The following NAALADL2 variants were observed in gnomAD, a reference collection of about 807,000 sequenced individuals.
The protein encoded by NAALADL2 is N-acetylated alpha-linked acidic dipeptidase like 2.
A neutral mutation model predicts 87.2 loss-of-function variants in NAALADL2; 76 were observed. That is an observed-to-expected ratio of 0.87 (90% CI 0.72 to 1.05). The LOEUF is 1.05. Ranked by LOEUF, NAALADL2 falls within the 50% of genes least tolerant of loss-of-function variation. The pLI, the probability that NAALADL2 is intolerant of heterozygous loss-of-function variation, is 0.00. For synonymous variants in NAALADL2, 354 were observed against 331.0 expected (o/e 1.07, Z -0.75); for missense variants, 1,089 against 945.8 (o/e 1.15, Z -1.99).
In NAALADL2 at chr3:175,166,086, A is replaced by C. The variant is rs546715318; in HGVS notation, c.546-67845A>C. On this transcript the variant is annotated intron_variant, in intron 2 of 13. Transcript: ENST00000454872. ...CTAAAATTTAATTTTAAAAAATCTT[A>C]CAAAAAAAACTTACCTAGTATATAT... 1.3e-4 allele frequency among the ~76,000 whole-genome samples: 19 copies of C among 151,084 alleles called. No homozygotes were observed. The South Asian group carries it at 3.5e-3, about 28-fold the overall frequency.
chr3:175,652,633 C>T lies in NAALADL2; in HGVS notation c.1896+25247C>T, dbSNP rs564524320. On this transcript the variant is annotated intron_variant, in intron 11 of 13. Coordinates refer to ENST00000454872, the MANE Select transcript of NAALADL2 (RefSeq NM_207015.3). The stretch of plus-strand genomic sequence containing the variant: ...AGCTGGGACTACAGGCGCCCACCAC[C>T]GCGCCCGGCTAATTTTTTGTATTTT... 1.0e-3 allele frequency among the ~76,000 whole-genome samples: 157 copies of T among 151,890 alleles called. 1 individual carries two copies. The highest frequency in any genetic ancestry group is 3.5e-3 in the African/African-American group (146 of 41,400).
In NAALADL2 at chr3:174,841,109, ACAAAT is replaced by A. The variant is rs146944027; in HGVS notation, c.-9+103368_-9+103372del. On this transcript the variant is annotated intron_variant, in intron 3 of 3. Coordinates refer to the NAALADL2 transcript ENST00000434257. ...AAAGAAAGAAAAATAAAAAGTAATAACAAATCAAAGAAAACCTAATGAGACAAAAT... is the reference window on the plus strand; with the variant it reads ...AAAGAAAGAAAAATAAAAAGTAATAACAAAGAAAACCTAATGAGACAAAAT... 4.0e-3 allele frequency among the ~76,000 whole-genome samples: 614 copies of A among 152,266 alleles called. 6 individuals carry two copies. Among genetic ancestry groups the A allele is most frequent in the African/African-American group, 0.014 (580 of 41,578 alleles).
At chr3:174,822,366 AG>A (rs1378740295) in intron 3 of NAALADL2, among the ~76,000 whole-genome samples, 1 of 152,226 alleles carries the variant, frequency 6.6e-6, no homozygotes, top group African/African-American at 2.4e-5. Context: ...TAGAAAAGCT[AG>A]AAGTCTGGAA....
intron 10 of NAALADL2, chr3:175,581,239 C>T (rs1029422984): frequency 1.4e-5 from 4 of 280,862 alleles, no homozygotes; most frequent in Non-Finnish European, 3.0e-5. Context: ...GTCAGGAGAT[C>T]GAGACCAACC....
intron 1 of NAALADL2, among the ~76,000 whole-genome samples, chr3:175,038,873 A>G (rs1753727627): frequency 6.6e-6 from 1 of 152,062 alleles, no homozygotes; most frequent in Non-Finnish European, 1.5e-5. Flanking sequence ...GGGTGCTATT[A>G]ATATTGCGTT....
intron 13 of NAALADL2, 102 bp from the exon 14 acceptor site, chr3:175,802,902 AT>A: frequency 5.6e-6 from 4 of 719,144 alleles, no homozygotes; most frequent in Non-Finnish European, 6.9e-6. Context: ...TAATTTATTC[AT>A]TTATTGAAAA....
intron 5 of NAALADL2, among the ~76,000 whole-genome samples, chr3:175,329,170 A>C (rs1315262895): frequency 6.6e-6 from 1 of 152,160 alleles, no homozygotes; most frequent in Non-Finnish European, 1.5e-5. Flanking sequence ...ATTTTCAGAA[A>C]TCCATCCTGA....
At chr3:174,730,835 A>C (rs1732636157) in intron 2 of NAALADL2, among the ~76,000 whole-genome samples, 1 of 151,890 alleles carries the variant, frequency 6.6e-6, no homozygotes, top group South Asian at 2.1e-4. Flanking sequence ...CTTATCAATA[A>C]CTCTCCATTA....
At chr3:175,777,432 A>G (rs1389455611) in intron 13 of NAALADL2, among the ~76,000 whole-genome samples, 1 of 152,050 alleles carries the variant, frequency 6.6e-6, no homozygotes, top group East Asian at 1.9e-4. Flanking sequence ...AAATATGCAA[A>G]ATGCTTGGAA....
chr3:174,949,467 G>T (rs998685807), intron 1 of NAALADL2, among the ~76,000 whole-genome samples: 17 of 152,134 alleles, frequency 1.1e-4, no homozygotes, highest in Non-Finnish European at 2.4e-4. Flanking sequence ...GGGGGATATT[G>T]TTGCAGCCAT....
chr3:174,857,656 A>C (rs1560292406), upstream of NAALADL2, among the ~76,000 whole-genome samples: 2 of 152,024 alleles, frequency 1.3e-5, no homozygotes. Context: ...CTGTTGGTAA[A>C]GTATGTAGCA....
chr3:174,465,599 T>G (rs540054501), intron 1 of NAALADL2, among the ~76,000 whole-genome samples: 1 of 152,206 alleles, frequency 6.6e-6, no homozygotes, highest in Non-Finnish European at 1.5e-5. Flanking sequence ...AAAAATAAGA[T>G]GTTTGAATTA....
At chr3:174,934,706 T>C (rs1737423522) in intron 1 of NAALADL2, among the ~76,000 whole-genome samples, 1 of 152,018 alleles carries the variant, frequency 6.6e-6, no homozygotes, top group Non-Finnish European at 1.5e-5. Context: ...ATAGGCATTG[T>C]GTTAGGCACT....
At chr3:175,311,258 C>T (rs911912458) in intron 4 of NAALADL2, among the ~76,000 whole-genome samples, 2 of 150,148 alleles carry the variant, frequency 1.3e-5, no homozygotes, top group African/African-American at 2.5e-5. Flanking sequence ...GGGCTTCTTC[C>T]ATGCCACAAC....
intron 1 of NAALADL2, among the ~76,000 whole-genome samples, chr3:175,048,712 T>G (rs74744372): frequency 0.023 from 3,468 of 152,258 alleles, 54 homozygotes; most frequent in Non-Finnish European, 0.034. Flanking sequence ...AGTATTGTTT[T>G]ATTTTAATAT....
At chr3:174,538,473 T>A (rs888745261) in intron 1 of NAALADL2, among the ~76,000 whole-genome samples, 1 of 152,084 alleles carries the variant, frequency 6.6e-6, no homozygotes, top group Non-Finnish European at 1.5e-5. Context: ...CTAAAAGAAA[T>A]TGAAGTATTT....
At chr3:175,083,593 A>G (rs1718305619) in intron 1 of NAALADL2, among the ~76,000 whole-genome samples, 1 of 152,166 alleles carries the variant, frequency 6.6e-6, no homozygotes, top group Admixed American at 6.5e-5. Context: ...ATTCAAACCT[A>G]GCTGTCTTGA....
In NAALADL2 at chr3:175,348,113, G is replaced by A. The variant is rs1165226443; in HGVS notation, c.1090+23788G>A. 4.6e-5 allele frequency among the ~76,000 whole-genome samples: 7 copies of A among 152,148 alleles called. 1 individual carries two copies. ...GTTGCCCAGGCTGGAGTGCAACAGTGTGATCTTGGCTCACTGCAACCTCCA... is the reference window on the plus strand; with the variant it reads ...GTTGCCCAGGCTGGAGTGCAACAGTATGATCTTGGCTCACTGCAACCTCCA... On this transcript the variant is annotated intron_variant, in intron 5 of 13. Transcript: ENST00000454872.
intron 3 of NAALADL2, among the ~76,000 whole-genome samples, chr3:174,825,871 CA>C (rs1203885856): frequency 2.0e-5 from 3 of 151,956 alleles, no homozygotes; most frequent in Non-Finnish European, 4.4e-5. Flanking sequence ...ACTAAAAACA[CA>C]AAAAATTAGG....
Sources: allele counts gnomAD v4.1 joint callset (sites outside exome capture counted in the v4.1 genomes callset), GRCh38; gene constraint gnomAD v4.1.1; transcripts MANE v1.5; gene names NCBI Gene and HGNC (gene_info 2026-07-23, HGNC 2026-07-21).